The following CTNNA2 variants were observed in gnomAD, a reference collection of about 807,000 sequenced individuals.
CTNNA2 encodes the protein catenin alpha 2.
Under a neutral mutation model 101.0 loss-of-function variants are expected in CTNNA2, and 42 were observed. The ratio of observed to expected loss-of-function variants is 0.42; its 90% CI spans 0.32 to 0.54. The LOEUF (loss-of-function observed/expected upper bound fraction) is 0.54, where lower values mean the gene tolerates loss of function less well. CTNNA2 is among the 20% of genes least tolerant of loss of function. The pLI is 0.14. For missense variants in CTNNA2, 871 were observed against 1,223.1 expected (o/e 0.71, Z 4.29); for synonymous variants, 450 against 456.4 (o/e 0.99, Z 0.18).
chr2:80,129,654 T>C (rs1310382185), intron 7 of CTNNA2, among the ~76,000 whole-genome samples: 1 of 152,224 alleles, frequency 6.6e-6, no homozygotes, highest in Non-Finnish European at 1.5e-5. Flanking sequence ...AGCTAACTGG[T>C]ACGCATATAA....
chr2:79,189,683 T>C (rs1673826249), intron 1 of CTNNA2, among the ~76,000 whole-genome samples: 1 of 152,284 alleles, frequency 6.6e-6, no homozygotes, highest in East Asian at 1.9e-4. Context: ...CTTTCTCTAA[T>C]CTTCTGACAG....
chr2:79,591,990 A>C (rs1336262661), intron 1 of CTNNA2, among the ~76,000 whole-genome samples: 1 of 147,888 alleles, frequency 6.8e-6, no homozygotes, highest in Non-Finnish European at 1.5e-5. Flanking sequence ...TGCTTATTTG[A>C]GATGGTTTCC....
chr2:79,810,502 C>T (rs1161014439), intron 3 of CTNNA2, among the ~76,000 whole-genome samples: 1 of 150,510 alleles, frequency 6.6e-6, no homozygotes. Flanking sequence ...CATTGAATTG[C>T]CTTTTCACCT....
At chr2:79,789,479 C>G (rs572730157) in intron 3 of CTNNA2, among the ~76,000 whole-genome samples, 1 of 152,140 alleles carries the variant, frequency 6.6e-6, no homozygotes, top group East Asian at 1.9e-4. Flanking sequence ...AGACAAATGA[C>G]TTTGAGCAGG....
In CTNNA2 at chr2:79,826,029, C is replaced by A. The variant is rs1407977177; in HGVS notation, c.299-31984C>A. 5.3e-5 allele frequency among the ~76,000 whole-genome samples: 8 copies of A among 152,248 alleles called. No individual in the cohort carries two copies. In the Middle Eastern group the frequency reaches 0.014, roughly 259 times the overall value. The stretch of plus-strand genomic sequence containing the variant: ...TTGTTTTGTTTGGGTCTCATAGACT[C>A]ACTTTTGTAAATACGAAAAGAAGTA... On this transcript the variant is annotated intron_variant, in intron 3 of 18. Transcript: ENST00000402739.
intron 7 of CTNNA2, among the ~76,000 whole-genome samples, chr2:80,099,900 A>T (rs1259373051): frequency 6.6e-6 from 1 of 152,086 alleles, no homozygotes; most frequent in Non-Finnish European, 1.5e-5. Flanking sequence ...ATAGTATCAG[A>T]GTCTTTGGGT....
intron 3 of CTNNA2, among the ~76,000 whole-genome samples, chr2:79,832,459 A>G (rs1420333941): frequency 1.3e-5 from 2 of 152,212 alleles, no homozygotes; most frequent in African/African-American, 4.8e-5. Flanking sequence ...TTAAATTACA[A>G]ATATGCTTTC....
At chr2:80,240,659 G>GT (rs939893155) in intron 7 of CTNNA2, among the ~76,000 whole-genome samples, 18 of 151,768 alleles carry the variant, frequency 1.2e-4, no homozygotes, top group East Asian at 3.9e-4. Context: ...ACATGATTCT[G>GT]TTTTTTTTGC....
intron 4 of CTNNA2, among the ~76,000 whole-genome samples, chr2:79,377,485 T>C (rs1677990857): frequency 1.3e-5 from 2 of 152,240 alleles, no homozygotes; most frequent in Admixed American, 6.5e-5. Flanking sequence ...GGTCTTTGAG[T>C]TTCTGCAGAT....
At chr2:80,176,697 C>A (rs1316374327) in intron 7 of CTNNA2, among the ~76,000 whole-genome samples, 1 of 152,174 alleles carries the variant, frequency 6.6e-6, no homozygotes, top group African/African-American at 2.4e-5. Context: ...CCTAAGGGAT[C>A]TCCTATATTC....
At position 80,090,144 on chromosome 2, in the gene CTNNA2, C is replaced by CTGTG. The variant is rs1436115414; in HGVS notation, c.1056+180348_1056+180349insGTGT. ...AGAAAGGAAGTTTCACTCTCTCTCT[C>CTGTG]TCTGTGTGTGTGTGTGTGTGTGTGT... is the stretch of plus-strand genomic sequence containing the variant. On this transcript the variant is annotated intron_variant, in intron 7 of 18. Coordinates refer to ENST00000402739, the MANE Select transcript of CTNNA2 (RefSeq NM_001282597.3). 2.4e-4 allele frequency among the ~76,000 whole-genome samples: 21 copies of CTGTG among 86,704 alleles called. No homozygotes were observed. The Admixed American group carries it at 2.8e-3, about 12-fold the overall frequency. 56.9% of individuals were successfully genotyped at this position (86,704 alleles called of 152,430 possible). A position where few individuals can be genotyped will look rare whatever the true frequency, so the allele number is the denominator to read the frequency against.
intron 7 of CTNNA2, among the ~76,000 whole-genome samples, chr2:80,326,662 A>C (rs902160616): frequency 2.6e-5 from 4 of 152,052 alleles, no homozygotes; most frequent in Non-Finnish European, 5.9e-5. Context: ...AAAAAAAGAG[A>C]GGGGGAGAAG....
intron 9 of CTNNA2, among the ~76,000 whole-genome samples, chr2:80,544,406 A>G (rs1470153219): frequency 2.0e-5 from 3 of 152,128 alleles, no homozygotes; most frequent in Admixed American, 6.5e-5. Context: ...AATTTACTAT[A>G]TATTCCGCCA....
intron 3 of CTNNA2, among the ~76,000 whole-genome samples, chr2:79,336,930 A>C (rs1677007583): frequency 6.6e-6 from 1 of 151,612 alleles, no homozygotes; most frequent in Non-Finnish European, 1.5e-5. Flanking sequence ...GTGTGACCAG[A>C]CTCTTCCCAG....
At chr2:79,997,585 T>G (rs1340601171) in intron 7 of CTNNA2, among the ~76,000 whole-genome samples, 2 of 152,008 alleles carry the variant, frequency 1.3e-5, no homozygotes, top group Non-Finnish European at 2.9e-5. Flanking sequence ...TTGTCACAGA[T>G]TTCTTTTCCC....
At chr2:79,618,280 A>G (rs768702930) in intron 1 of CTNNA2, among the ~76,000 whole-genome samples, 1 of 152,174 alleles carries the variant, frequency 6.6e-6, no homozygotes. Flanking sequence ...TTCCCAGTGT[A>G]CTTTGAATTG....
intron 18 of CTNNA2, among the ~76,000 whole-genome samples, chr2:80,635,971 C>CT (rs60757492): frequency 0.21 from 24,727 of 115,584 alleles, 3,655 homozygotes; most frequent in African/African-American, 0.41. Flanking sequence ...ATGCCCATTG[C>CT]TTTTTTTTTT....
At chr2:79,607,915 G>A (rs1198011418) in intron 1 of CTNNA2, among the ~76,000 whole-genome samples, 1 of 151,578 alleles carries the variant, frequency 6.6e-6, no homozygotes, top group East Asian at 1.9e-4. Flanking sequence ...AATAATCAAA[G>A]TGGAAATCAG....
chr2:79,343,118 A>T (rs1281355226), intron 3 of CTNNA2, among the ~76,000 whole-genome samples: 1 of 152,218 alleles, frequency 6.6e-6, no homozygotes, highest in Non-Finnish European at 1.5e-5. Flanking sequence ...TGATGTTTTT[A>T]AAATACCATT....
Sources: gnomAD v4.1 joint callset for allele counts (sites outside exome capture counted in the v4.1 genomes callset) on GRCh38, gnomAD v4.1.1 for gene constraint, MANE v1.5 for transcripts, NCBI Gene and HGNC (gene_info 2026-07-23, HGNC 2026-07-21) for gene names.